Variants in SUSD1 observed in about 807,000 individuals in gnomAD.
SUSD1 encodes the protein sushi domain-containing protein 1.
A neutral mutation model predicts 86.9 loss-of-function variants in SUSD1; 65 were observed. The ratio of observed to expected loss-of-function variants is 0.75; its 90% CI spans 0.61 to 0.92. SUSD1 has a LOEUF of 0.92. Among genes scored for constraint, SUSD1 ranks in the 40% least tolerant of loss-of-function variants. The pLI, the probability that SUSD1 is intolerant of heterozygous loss-of-function variation, is 0.00. For synonymous variants in SUSD1, 346 were observed against 350.0 expected (o/e 0.99, Z 0.13); for missense variants, 850 against 929.7 (o/e 0.91, Z 1.11).
In SUSD1 at chr9:112,112,871, A is replaced by G. The variant is rs760207535; in HGVS notation, c.887-3T>C. The G allele has an allele frequency of 1.3e-6, 2 of 1,597,200 alleles. No individual in the cohort carries two copies. The highest frequency in any genetic ancestry group is 1.3e-5 in the African/African-American group (1 of 74,546). ...ATCATTAATCTTTGTCAGAATTTCT[A>G]AAAGAGAAAAAGGCAGTCAACTCAC... On this transcript the variant is annotated splice_region_variant and splice_polypyrimidine_tract_variant and intron_variant, in intron 6 of 16. Coordinates refer to ENST00000374270, the MANE Select transcript of SUSD1 (RefSeq NM_022486.5).
chr9:112,103,019 A>C (rs1438186793), intron 8 of SUSD1: 2 of 354,734 alleles, frequency 5.6e-6, no homozygotes, highest in African/African-American at 2.2e-5. Flanking sequence ...GTCAGGAATA[A>C]TATCAGTGAT....
intron 6 of SUSD1, among the ~76,000 whole-genome samples, chr9:112,114,825 T>C (rs1831244541): frequency 6.6e-6 from 1 of 152,168 alleles, no homozygotes; most frequent in African/African-American, 2.4e-5. Context: ...CCTTCCTCCT[T>C]TCTTTCCTCT....
intron 8 of SUSD1, among the ~76,000 whole-genome samples, chr9:112,110,714 C>T (rs1358830810): frequency 6.6e-6 from 1 of 151,774 alleles, no homozygotes; most frequent in African/African-American, 2.4e-5. Flanking sequence ...TTTAATTAGT[C>T]CTCATACCCA....
chr9:112,104,682 A>G (rs557387331), intron 8 of SUSD1: 2 of 152,384 alleles, frequency 1.3e-5, no homozygotes, highest in African/African-American at 4.8e-5. Flanking sequence ...GGGTCACCCA[A>G]CCAGCAGTAA....
chr9:112,162,340 T>C (rs1267728403), intron 1 of SUSD1, among the ~76,000 whole-genome samples: 1 of 152,226 alleles, frequency 6.6e-6, no homozygotes, highest in Admixed American at 6.5e-5. Context: ...ATTTTGTGTC[T>C]GGATCCCAAA....
intron 15 of SUSD1, among the ~76,000 whole-genome samples, chr9:112,044,959 G>A (rs1054373537): frequency 3.3e-5 from 5 of 152,206 alleles, no homozygotes; most frequent in Non-Finnish European, 7.3e-5. Flanking sequence ...ATAGCGAAAT[G>A]AGAAAATTCT....
chr9:112,081,805 T>G (rs973866687), intron 10 of SUSD1, among the ~76,000 whole-genome samples: 15 of 152,164 alleles, frequency 9.9e-5, no homozygotes, highest in African/African-American at 3.1e-4. Context: ...GACCAAAGAT[T>G]TATTCCCAGA....
At chr9:112,149,215 G>C in intron 3 of SUSD1, 29 bp downstream of exon 3, 1 of 1,611,754 alleles carries the variant, frequency 6.2e-7, no homozygotes, top group East Asian at 2.2e-5. Context: ...ATCGCCAATT[G>C]TCAACACCGC....
intron 10 of SUSD1, among the ~76,000 whole-genome samples, chr9:112,083,534 A>G (rs915113690): frequency 7.9e-5 from 12 of 152,162 alleles, no homozygotes; most frequent in Non-Finnish European, 1.3e-4. Flanking sequence ...AGCCACCACA[A>G]TTATTTTCTT....
chr9:112,111,695 G>C lies in SUSD1; in HGVS notation c.1130C>G (p.Pro377Arg). 6.2e-7 allele frequency: 1 copy of C among 1,614,094 alleles called. No homozygotes were observed. The highest frequency in any genetic ancestry group is 8.5e-7 in the Non-Finnish European group (1 of 1,179,988). Residue 377 changes from proline (P) to arginine (R), a missense_variant, in exon 8 of 17, where the codon CCC (proline) becomes CGC (arginine). Transcript: ENST00000374270. ...GATGACGGCTGGCATCGAGCGCCTG[G>C]GAGGTGCTGTGGAGATGTTCACGGT... ...NYTVNISTAPPRRSMPAVIGF... is the reference protein window; with the variant it reads ...NYTVNISTAPRRRSMPAVIGF...
intron 5 of SUSD1, among the ~76,000 whole-genome samples, chr9:112,127,564 T>C (rs908516973): frequency 1.6e-4 from 24 of 152,194 alleles, no homozygotes; most frequent in African/African-American, 5.1e-4. Flanking sequence ...TGTCTTCCTC[T>C]GAACTTTTAA....
intron 4 of SUSD1, 42 bp downstream of exon 4, chr9:112,143,429 G>A (rs1259949901): frequency 6.2e-7 from 1 of 1,603,494 alleles, no homozygotes; most frequent in East Asian, 2.2e-5. Context: ...ACCATCAACA[G>A]AATTTCACGT....
intron 2 of SUSD1, among the ~76,000 whole-genome samples, chr9:112,150,670 G>A (rs979058295): frequency 6.6e-6 from 1 of 152,198 alleles, no homozygotes; most frequent in Non-Finnish European, 1.5e-5. Flanking sequence ...ATGGTAGAGT[G>A]TAGTGCTCCT....
chr9:112,054,968 A>C (rs1330940729), intron 14 of SUSD1, among the ~76,000 whole-genome samples: 1 of 152,236 alleles, frequency 6.6e-6, no homozygotes, highest in African/African-American at 2.4e-5. Context: ...GAATGTATGG[A>C]GAACTCTTAA....
intron 1 of SUSD1, among the ~76,000 whole-genome samples, chr9:112,159,481 T>C (rs1833474219): frequency 6.6e-6 from 1 of 152,200 alleles, no homozygotes; most frequent in East Asian, 1.9e-4. Flanking sequence ...CCATGGAATA[T>C]TTCCAAAACT....
chr9:112,100,501 T>G (rs1830588940), intron 9 of SUSD1, among the ~76,000 whole-genome samples: 1 of 151,998 alleles, frequency 6.6e-6, no homozygotes, highest in Non-Finnish European at 1.5e-5. Context: ...CTACTTACTT[T>G]CTATGACTCA....
At chr9:112,152,234 T>G (rs1223023671) in intron 2 of SUSD1, among the ~76,000 whole-genome samples, 1 of 151,454 alleles carries the variant, frequency 6.6e-6, no homozygotes, top group African/African-American at 2.4e-5. Flanking sequence ...CTTTCTTCAA[T>G]AATAAATTAA....
chr9:112,138,767 T>A (rs1832430354), intron 5 of SUSD1, among the ~76,000 whole-genome samples: 1 of 152,188 alleles, frequency 6.6e-6, no homozygotes, highest in African/African-American at 2.4e-5. Flanking sequence ...TATTCTTTTT[T>A]AAATATTGTT....
At chr9:112,042,322 GCAT>G (rs1827778607) in intron 15 of SUSD1, among the ~76,000 whole-genome samples, 1 of 152,036 alleles carries the variant, frequency 6.6e-6, no homozygotes. Flanking sequence ...GTTTTCTTTT[GCAT>G]GGAGGGACAA....
Sources: gnomAD v4.1 joint callset for allele counts (sites outside exome capture counted in the v4.1 genomes callset) on GRCh38, gnomAD v4.1.1 for gene constraint, MANE v1.5 for transcripts, NCBI Gene and HGNC (gene_info 2026-07-23, HGNC 2026-07-21) for gene names.